BCAR3: variants seen among roughly 807,000 people sequenced by gnomAD.
BCAR3 encodes the protein BCAR3 adaptor protein, NSP family member, also known as breast cancer anti-estrogen resistance protein 3.
In BCAR3, 37 loss-of-function variants were observed where a neutral mutation model predicts 80.1. That is an observed-to-expected ratio of 0.46 (90% confidence interval 0.36 to 0.61). BCAR3 has a LOEUF of 0.61. Among genes scored for constraint, BCAR3 ranks in the 20% least tolerant of loss-of-function variants. BCAR3 has a pLI of 0.00. For missense variants in BCAR3, 978 were observed against 1,068.2 expected (o/e 0.92, Z 1.18); for synonymous variants, 389 against 418.9 (o/e 0.93, Z 0.87).
chr1:93,620,491 T>C (rs1675273967), intron 3 of BCAR3, among the ~76,000 whole-genome samples: 1 of 152,154 alleles, frequency 6.6e-6, no homozygotes, highest in African/African-American at 2.4e-5. Flanking sequence ...ACCACCCTTG[T>C]CTGAGCCAAT....
intron 3 of BCAR3, among the ~76,000 whole-genome samples, chr1:93,633,477 A>C (rs2101900632): frequency 6.6e-6 from 1 of 152,326 alleles, no homozygotes; most frequent in East Asian, 1.9e-4. Context: ...ATACTAAAAA[A>C]TATCTGTTGA....
chr1:93,683,557 T>A (rs768371229), upstream of BCAR3, among the ~76,000 whole-genome samples: 9 of 152,118 alleles, frequency 5.9e-5, no homozygotes, highest in Non-Finnish European at 1.0e-4. Flanking sequence ...CAAATGTCCA[T>A]CAGCAGAAGA....
At chr1:93,722,556 G>A (rs980418727) in intron 2 of BCAR3, among the ~76,000 whole-genome samples, 5 of 152,102 alleles carry the variant, frequency 3.3e-5, no homozygotes, top group Admixed American at 3.3e-4. Flanking sequence ...TTCTCCTCCT[G>A]GGAGCCATTG....
intron 3 of BCAR3, chr1:93,599,802 T>G (rs1004602133): frequency 6.6e-6 from 1 of 152,272 alleles, no homozygotes; most frequent in Non-Finnish European, 1.5e-5. Context: ...CCCCAGTCAC[T>G]GGCATCTCTT....
intron 6 of BCAR3, among the ~76,000 whole-genome samples, chr1:93,583,282 T>C (rs944574469): frequency 7.9e-5 from 12 of 152,048 alleles, no homozygotes; most frequent in Non-Finnish European, 2.9e-5. Context: ...GAGGAGGGCA[T>C]GAATAATGTA....
In BCAR3 at chr1:93,642,341, T is replaced by A; in HGVS notation, c.320A>T (p.Asp107Val). 1.9e-6 allele frequency: 3 copies of A among 1,612,804 alleles called. No individual in the cohort carries two copies. Among genetic ancestry groups the A allele is most frequent in the Non-Finnish European group, 2.5e-6 (3 of 1,178,780 alleles). Residue 107 changes from aspartate to valine, a missense_variant and splice_region_variant, in exon 3 of 12, where the codon GAT (aspartate) becomes GTT (valine). Asp to Val is a radical substitution (Grantham distance 152). Transcript: ENST00000260502. The part of the protein sequence containing the change: ...DRHGETFTFR[D>V]PHLLDPTVEY... ...CACAGTTGGGTCCAGAAGATGTGGA[T>A]CCCTGAAAAGAGAAAATATAAATAT...
At chr1:93,650,082 G>A (rs1676275226) in intron 2 of BCAR3, among the ~76,000 whole-genome samples, 1 of 151,922 alleles carries the variant, frequency 6.6e-6, no homozygotes, top group Non-Finnish European at 1.5e-5. Context: ...AGGGTGCGAT[G>A]GCTCACACCT....
intron 3 of BCAR3, among the ~76,000 whole-genome samples, chr1:93,605,803 A>C (rs556743008): frequency 3.3e-5 from 5 of 152,262 alleles, no homozygotes; most frequent in Non-Finnish European, 7.3e-5. Context: ...ATGAATTAGG[A>C]AAAGGAGAGT....
chr1:93,590,269 T>C (rs1348185685), intron 4 of BCAR3: 1 of 152,244 alleles, frequency 6.6e-6, no homozygotes, highest in African/African-American at 2.4e-5. Context: ...GAATTTATAA[T>C]GTGGTGCAGC....
intron 11 of BCAR3, among the ~76,000 whole-genome samples, chr1:93,564,824 G>A (rs954098443): frequency 6.6e-6 from 1 of 152,176 alleles, no homozygotes; most frequent in Non-Finnish European, 1.5e-5. Flanking sequence ...AGCCATATGT[G>A]TGGGCCTATT....
At chr1:93,578,402 G>A (rs190200) in intron 7 of BCAR3, among the ~76,000 whole-genome samples, 1 of 152,074 alleles carries the variant, frequency 6.6e-6, no homozygotes, top group Admixed American at 6.6e-5. Flanking sequence ...TAGAAAAGAC[G>A]TATGAAGCCC....
At chr1:93,578,491 G>C (rs1451030709) in intron 7 of BCAR3, among the ~76,000 whole-genome samples, 1 of 152,112 alleles carries the variant, frequency 6.6e-6, no homozygotes, top group African/African-American at 2.4e-5. Flanking sequence ...TCTCTCCATG[G>C]GTTTTGACAA....
At chr1:93,766,062 G>T (rs1257208515) in intron 2 of BCAR3, among the ~76,000 whole-genome samples, 1 of 152,144 alleles carries the variant, frequency 6.6e-6, no homozygotes, top group African/African-American at 2.4e-5. Flanking sequence ...CGGAAACTTT[G>T]TACCCTTTGA....
chr1:93,646,473 G>GT (rs1676150165), intron 2 of BCAR3: 1 of 151,886 alleles, frequency 6.6e-6, no homozygotes, highest in African/African-American at 2.4e-5. Context: ...ATGGTGGCAC[G>GT]TGCCTGTAAT....
rs191667609 is a variant in BCAR3 at position 93,719,691 on chromosome 1, C to T, written c.-62-13549G>A. Among the ~76,000 whole-genome samples the T allele has an allele frequency of 2.2e-3, 331 of 152,214 alleles. 2 individuals are homozygous for T. Among genetic ancestry groups the T allele is most frequent in the African/African-American group, 5.7e-3 (235 of 41,518 alleles). On this transcript the variant is annotated intron_variant, in intron 2 of 13. Transcript: ENST00000370244. The stretch of plus-strand genomic sequence containing the variant: ...AAATGCAGGCACATAATTAGTTTAA[C>T]GAGCTAAGCACTGGTGATAAATGCT...
intron 3 of BCAR3, among the ~76,000 whole-genome samples, chr1:93,618,027 A>C (rs1173872411): frequency 2.0e-5 from 3 of 152,218 alleles, no homozygotes; most frequent in Admixed American, 6.5e-5. Context: ...GAGGGAGGAG[A>C]GCTGGGAAAC....
intron 3 of BCAR3, among the ~76,000 whole-genome samples, chr1:93,688,550 CGTGTGTGT>C (rs1344205734): frequency 6.6e-6 from 1 of 151,840 alleles, no homozygotes; most frequent in South Asian, 2.1e-4. Context: ...TTACAGTAAG[CGTGTGTGT>C]GTCTGTGTAT....
chr1:93,590,117 G>A (rs1386025523), intron 4 of BCAR3: 1 of 152,238 alleles, frequency 6.6e-6, no homozygotes, highest in Non-Finnish European at 1.5e-5. Context: ...AGAAGGCCTA[G>A]AACAAAGTCA....
chr1:93,595,582 CTTT>C (rs1387179649), intron 3 of BCAR3, among the ~76,000 whole-genome samples: 3 of 152,346 alleles, frequency 2.0e-5, no homozygotes, highest in Admixed American at 1.3e-4. Context: ...CCTTCTAGAA[CTTT>C]CACTACTGCC....
Sources: allele counts gnomAD v4.1 joint callset (sites outside exome capture counted in the v4.1 genomes callset), GRCh38; gene constraint gnomAD v4.1.1; transcripts MANE v1.5; gene names NCBI Gene and HGNC (gene_info 2026-07-23, HGNC 2026-07-21).